BRD10: variants seen among roughly 807,000 people sequenced by gnomAD.
The protein encoded by BRD10 is bromodomain containing 10.
At chr9:5,991,724 TAAAAAAAA>T in the BRD10 span, among the ~76,000 whole-genome samples, 1 of 118,030 alleles carries the variant, frequency 8.5e-6, no homozygotes, top group Non-Finnish European at 1.8e-5. Flanking sequence ...GACTCTGTCT[TAAAAAAAA>T]AAAAAAAAAA....
chr9:5,916,232 G>C, the BRD10 span, among the ~76,000 whole-genome samples: 1 of 152,034 alleles, frequency 6.6e-6, no homozygotes, highest in Admixed American at 6.6e-5. Context: ...TAGTAACTTT[G>C]GCTAACTAAA....
At chr9:5,970,082 T>TA in the BRD10 span, among the ~76,000 whole-genome samples, 8 of 152,320 alleles carry the variant, frequency 5.3e-5, no homozygotes, top group African/African-American at 1.9e-4. Flanking sequence ...ATAAAAGCTG[T>TA]AAGATATTTA....
the BRD10 span, chr9:6,007,243 C>G: frequency 1.4e-5 from 23 of 1,613,792 alleles, no homozygotes; most frequent in Non-Finnish European, 1.9e-5. Context: ...CAGCTTCTGG[C>G]CCTGTTTGGA....
the BRD10 span, among the ~76,000 whole-genome samples, chr9:5,974,666 C>T: frequency 1.3e-5 from 2 of 152,110 alleles, no homozygotes; most frequent in East Asian, 3.8e-4. Flanking sequence ...CTGCACAGTA[C>T]CAATGAGTAG....
At chr9:5,914,874 G>A in the BRD10 span, among the ~76,000 whole-genome samples, 5 of 152,002 alleles carry the variant, frequency 3.3e-5, no homozygotes, top group East Asian at 9.6e-4. Flanking sequence ...ATCATGGAGA[G>A]ACACAAATCA....
chr9:6,008,475 G>A, the BRD10 span, among the ~76,000 whole-genome samples: 1 of 151,700 alleles, frequency 6.6e-6, no homozygotes, highest in African/African-American at 2.4e-5. Context: ...TCCCCGGTGC[G>A]CATGCGTAGT....
the BRD10 span, among the ~76,000 whole-genome samples, chr9:5,885,779 G>T: frequency 5.3e-5 from 8 of 152,182 alleles, no homozygotes; most frequent in Non-Finnish European, 1.2e-4. Flanking sequence ...CTTGCTCAAG[G>T]TCTCACAGAT....
the BRD10 span, among the ~76,000 whole-genome samples, chr9:5,911,062 C>T: frequency 6.6e-6 from 1 of 152,126 alleles, no homozygotes; most frequent in African/African-American, 2.4e-5. Flanking sequence ...CCTATTTGTC[C>T]ATTTTGGCTT....
At chr9:5,967,245 C>G in the BRD10 span, among the ~76,000 whole-genome samples, 1 of 152,022 alleles carries the variant, frequency 6.6e-6, no homozygotes, top group Non-Finnish European at 1.5e-5. Context: ...AGCTGATCAT[C>G]TGCTTTTATC....
chr9:5,967,694 G>GAAAAAA, the BRD10 span, among the ~76,000 whole-genome samples: 9 of 123,726 alleles, frequency 7.3e-5, 2 homozygotes, highest in Non-Finnish European at 8.2e-5. Context: ...CCCTTAGCCT[G>GAAAAAA]AAAAAAAAAA....
the BRD10 span, among the ~76,000 whole-genome samples, chr9:5,955,411 C>A: frequency 7.6e-4 from 115 of 152,240 alleles, no homozygotes; most frequent in African/African-American, 2.7e-3. Context: ...AAAATGAATG[C>A]GTACATAAAG....
At chr9:5,891,333 G>T in the BRD10 span, 3 of 152,326 alleles carry the variant, frequency 2.0e-5, no homozygotes, top group African/African-American at 7.2e-5. Flanking sequence ...ATTTAATGAA[G>T]AATTAAGATT....
the BRD10 span, among the ~76,000 whole-genome samples, chr9:5,930,721 G>C: frequency 2.0e-5 from 3 of 152,122 alleles, no homozygotes; most frequent in African/African-American, 7.2e-5. Flanking sequence ...TATTAATCTA[G>C]ATAGGCCTCT....
At chr9:5,918,994 C>T in the BRD10 span, 6 of 152,616 alleles carry the variant, frequency 3.9e-5, no homozygotes, top group Non-Finnish European at 7.4e-5. Context: ...CAAGAACACA[C>T]GTTAAAAATG....
At chr9:5,911,983 T>C in the BRD10 span, among the ~76,000 whole-genome samples, 2 of 152,238 alleles carry the variant, frequency 1.3e-5, no homozygotes, top group African/African-American at 2.4e-5. Context: ...TTGGGTAGCA[T>C]GGATGTTTTA....
the BRD10 span, among the ~76,000 whole-genome samples, chr9:5,894,191 A>G: frequency 6.6e-6 from 1 of 152,114 alleles, no homozygotes; most frequent in South Asian, 2.1e-4. The surrounding 1 kb of genome is among the most constrained non-coding windows in gnomAD (Gnocchi z 4.0). Context: ...CCGAAAGTGG[A>G]GTTGTCCTTT....
At chr9:5,918,721 G>A in the BRD10 span, among the ~76,000 whole-genome samples, 2 of 150,690 alleles carry the variant, frequency 1.3e-5, no homozygotes, top group African/African-American at 4.9e-5. Context: ...AATACTTGGG[G>A]GGCTGAGGTG....
the BRD10 span, among the ~76,000 whole-genome samples, chr9:5,885,663 G>A: frequency 2.0e-5 from 3 of 152,304 alleles, no homozygotes; most frequent in African/African-American, 4.8e-5. Context: ...ATGAGCCACC[G>A]CACCCGGCCC....
the BRD10 span, among the ~76,000 whole-genome samples, chr9:5,891,886 T>C: frequency 1.3e-5 from 2 of 152,328 alleles, no homozygotes; most frequent in African/African-American, 4.8e-5. Context: ...TTTCCTTTGC[T>C]GAAAAGCTGG....
Sources: allele counts gnomAD v4.1 joint callset (sites outside exome capture counted in the v4.1 genomes callset), GRCh38; gene constraint gnomAD v4.1.1; non-coding constraint Gnocchi (gnomAD v3.1); transcripts MANE v1.5; gene names NCBI Gene and HGNC (gene_info 2026-07-23, HGNC 2026-07-21).